The following GSE1 variants were observed in gnomAD, a reference collection of about 807,000 sequenced individuals.
The protein encoded by GSE1 is Gse1 coiled-coil protein, also known as genetic suppressor element 1.
Under a neutral mutation model 112.6 loss-of-function variants are expected in GSE1, and 32 were observed. The observed-to-expected ratio is 0.28, with a 90% CI of 0.21 to 0.38. GSE1 has a LOEUF of 0.38. Among genes scored for constraint, GSE1 ranks in the 10% least tolerant of loss-of-function variants. The probability of loss-of-function intolerance (pLI) is 1.00; values close to 1 mark genes in which losing one functional copy is unlikely to be tolerated. For missense variants in GSE1, 2,348 were observed against 1,699.2 expected (o/e 1.38, Z -6.71); for synonymous variants, 1,115 against 735.6 (o/e 1.52, Z -8.35).
intron 2 of GSE1, among the ~76,000 whole-genome samples, chr16:85,642,634 C>T (rs754761504): frequency 6.6e-6 from 1 of 152,222 alleles, no homozygotes; most frequent in African/African-American, 2.4e-5. Flanking sequence ...CTGGGCAGCC[C>T]CCGGCCATGG....
intron 2 of GSE1, among the ~76,000 whole-genome samples, chr16:85,538,755 C>T (rs1436328283): frequency 6.6e-6 from 1 of 152,204 alleles, no homozygotes; most frequent in Admixed American, 6.5e-5. Flanking sequence ...TGGGAGCAGG[C>T]TCGGTGCCCC....
At chr16:85,253,712 G>C (rs1906762518) in intron 1 of GSE1, among the ~76,000 whole-genome samples, 1 of 152,252 alleles carries the variant, frequency 6.6e-6, no homozygotes, top group African/African-American at 2.4e-5. Flanking sequence ...AGCCAGGGGA[G>C]AAGGAGGGTG....
At chr16:85,173,057 C>G (rs1297968343) in intron 1 of GSE1, among the ~76,000 whole-genome samples, 3 of 152,228 alleles carry the variant, frequency 2.0e-5, no homozygotes, top group Non-Finnish European at 4.4e-5. Context: ...CGTCTCCCGT[C>G]ACAGATGCTG....
intron 1 of GSE1, among the ~76,000 whole-genome samples, chr16:85,566,701 C>T (rs1257020602): frequency 1.3e-5 from 2 of 152,208 alleles, no homozygotes; most frequent in Non-Finnish European, 2.9e-5. Context: ...TCATTCTTGT[C>T]CTGTAATTCA....
intron 1 of GSE1, among the ~76,000 whole-genome samples, chr16:85,294,109 G>A (rs896630981): frequency 6.6e-6 from 1 of 152,140 alleles, no homozygotes; most frequent in Non-Finnish European, 1.5e-5. Context: ...CTGGCTCCCC[G>A]CAACAGCCAA....
chr16:85,613,472 C>CG, intron 1 of GSE1, 74 bp downstream of exon 1: 1 of 1,337,172 alleles, frequency 7.5e-7, no homozygotes, highest in South Asian at 1.4e-5. Flanking sequence ...TGCAAGTTCG[C>CG]GGGTTTCGCG....
intron 2 of GSE1, among the ~76,000 whole-genome samples, chr16:85,362,057 G>A (rs953209642): frequency 6.6e-6 from 1 of 152,154 alleles, no homozygotes; most frequent in Non-Finnish European, 1.5e-5. Flanking sequence ...CTGGCTGCCG[G>A]GAGTACAGCT....
At chr16:85,170,176 G>C in exon 1 of GSE1, 1 of 985,340 alleles carries the variant, frequency 1.0e-6, no homozygotes, top group Non-Finnish European at 1.2e-6. Flanking sequence ...GCCGGCTCCG[G>C]GACCCGCTCC....
chr16:85,657,479 G>A lies in GSE1; in HGVS notation c.1515G>A (p.Arg505=). 1.2e-6 allele frequency: 2 copies of A among 1,607,928 alleles called. No homozygotes were observed. Among genetic ancestry groups the A allele is most frequent in the Non-Finnish European group, 1.7e-6 (2 of 1,177,852 alleles). The change falls in exon 8 of 16, where the codon CGG becomes CGA. Residue 505 remains arginine (R), a synonymous_variant. Coordinates refer to ENST00000253458, the MANE Select transcript of GSE1 (RefSeq NM_014615.5). ...EKWLARQRRL[R]QEKEDRQSQV... ...GGCTGGCGCGGCAGCGGCGGCTGCG[G>A]CAGGAGAAGGAGGACCGGCAGTCTC...
chr16:85,555,888 A>G, upstream of GSE1: 1 of 698,210 alleles, frequency 1.4e-6, no homozygotes, highest in Non-Finnish European at 1.7e-6. Context: ...CATCACCCTC[A>G]CCTCCCCCCT....
rs2053455435 is a variant in GSE1 at position 85,672,828 on chromosome 16, C to T, written c.*289C>T. The T allele has an allele frequency of 4.3e-6, 1 of 229,908 alleles. No individual in the cohort carries two copies. Among genetic ancestry groups the T allele is most frequent in the Non-Finnish European group, 8.6e-6 (1 of 116,140 alleles). The allele number at this position is 229,908 out of a possible 1,614,324, so 14.2% of individuals were successfully genotyped here. ...CTCCCACATTATTTCTTAATCTGAA[C>T]ATGAAGGCTCCATTAGCAACACTAA... On this transcript the variant is annotated 3_prime_UTR_variant, in exon 16 of 16. Transcript: ENST00000253458.
chr16:85,665,649 C>T (rs999638685), intron 12 of GSE1, among the ~76,000 whole-genome samples: 10 of 152,340 alleles, frequency 6.6e-5, no homozygotes, highest in Admixed American at 2.0e-4. Context: ...CTTTACAGTG[C>T]GTCCCAGTCC....
intron 1 of GSE1, among the ~76,000 whole-genome samples, chr16:85,219,597 C>T (rs1230056666): frequency 3.3e-5 from 5 of 152,222 alleles, no homozygotes; most frequent in Admixed American, 3.3e-4. Context: ...CAAATGTTCT[C>T]ATTCTGCTTC....
intron 2 of GSE1, among the ~76,000 whole-genome samples, chr16:85,409,289 C>A (rs2048419780): frequency 2.2e-5 from 1 of 46,186 alleles, no homozygotes; most frequent in Non-Finnish European, 4.3e-5. Flanking sequence ...TCTGATAATC[C>A]TCACTGTTAC....
At chr16:85,535,357 G>C (rs1192955929) in intron 2 of GSE1, among the ~76,000 whole-genome samples, 1 of 152,168 alleles carries the variant, frequency 6.6e-6, no homozygotes, top group African/African-American at 2.4e-5. Context: ...CCAGGTCTCC[G>C]GGGGGTATGA....
In GSE1 at chr16:85,674,792, G is replaced by A. The variant is rs2053591300; in HGVS notation, c.*2253G>A. On this transcript the variant is annotated 3_prime_UTR_variant, in exon 16 of 16. Coordinates refer to ENST00000253458, the MANE Select transcript of GSE1 (RefSeq NM_014615.5). ...TGCCCAGGGTGGGAGCAGTGTCACT[G>A]TGCTAGCAATAGTTGGCTTCTCCCC... is the stretch of plus-strand genomic sequence containing the variant. 4 of 152,456 alleles carry A rather than the reference G, an allele frequency of 2.6e-5. No individual in the cohort carries two copies. Among genetic ancestry groups the A allele is most frequent in the Admixed American group, 6.5e-5 (1 of 15,290 alleles). The allele number at this position is 152,456 out of a possible 1,614,324, so 9.4% of individuals were successfully genotyped here.
At chr16:85,327,630 A>C (rs2046253607) in intron 1 of GSE1, among the ~76,000 whole-genome samples, 2 of 152,108 alleles carry the variant, frequency 1.3e-5, no homozygotes, top group South Asian at 4.1e-4. Flanking sequence ...CATAAACAAA[A>C]CTAGAAGGTT....
chr16:85,388,733 TGGAAGGAA>T (rs1213398027), intron 2 of GSE1, among the ~76,000 whole-genome samples: 1 of 152,006 alleles, frequency 6.6e-6, no homozygotes, highest in Non-Finnish European at 1.5e-5. Flanking sequence ...GATGGGTGGA[TGGAAGGAA>T]GGAAGGAAAG....
intron 1 of GSE1, among the ~76,000 whole-genome samples, chr16:85,284,190 A>T (rs1005638360): frequency 8.5e-5 from 13 of 152,190 alleles, no homozygotes; most frequent in African/African-American, 3.1e-4. Context: ...GAGAATTGAG[A>T]ATCTGCCCGG....
Sources: gnomAD v4.1 joint callset for allele counts (sites outside exome capture counted in the v4.1 genomes callset) on GRCh38, gnomAD v4.1.1 for gene constraint, MANE v1.5 for transcripts, NCBI Gene and HGNC (gene_info 2026-07-23, HGNC 2026-07-21) for gene names.